Variants in CEP152 observed in about 807,000 individuals in gnomAD.
CEP152 encodes centrosomal protein of 152 kDa.
CEP152 carries 132 observed loss-of-function variants against 188.9 expected under a neutral mutation model. The ratio of observed to expected loss-of-function variants is 0.70; its 90% CI spans 0.61 to 0.81. CEP152 has a LOEUF of 0.81. Among genes scored for constraint, CEP152 ranks in the 30% least tolerant of loss-of-function variants. CEP152 has a pLI of 0.00. For missense variants in CEP152, 1,914 were observed against 1,969.8 expected (o/e 0.97, Z 0.54); for synonymous variants, 649 against 666.6 (o/e 0.97, Z 0.41).
intron 8 of CEP152, among the ~76,000 whole-genome samples, chr15:48,789,493 C>T (rs910727130): frequency 1.3e-5 from 2 of 152,182 alleles, no homozygotes; most frequent in African/African-American, 4.8e-5. Context: ...AATCATAGCC[C>T]TCCAAAATGA....
chr15:48,756,360 T>C lies in CEP152; in HGVS notation c.2888A>G (p.Glu963Gly). 1 of 1,582,856 alleles carries C rather than the reference T, an allele frequency of 6.3e-7. No individual in the cohort carries two copies. Among genetic ancestry groups the C allele is most frequent in the Non-Finnish European group, 8.6e-7 (1 of 1,167,788 alleles). Reference protein sequence around the residue: ...LAKARSEWNKEKQEEIHRIQE... With the variant: ...LAKARSEWNKGKQEEIHRIQE... ...GATTCTGTGGATTTCTTCTTGCTTT[T>C]CTTTGTTCCATTCACTCCGAGCCTT... The change falls in exon 20 of 27, where the codon GAA becomes GGA. Residue 963 changes from glutamate (E) to glycine (G), a missense_variant. Transcript: ENST00000380950.
chr15:48,777,601 T>C (rs545759842), intron 12 of CEP152, among the ~76,000 whole-genome samples: 1 of 152,058 alleles, frequency 6.6e-6, no homozygotes, highest in Non-Finnish European at 1.5e-5. Context: ...AATTTGTATA[T>C]GTAATATATA....
chr15:48,778,287 A>C (rs1306932402), intron 12 of CEP152, among the ~76,000 whole-genome samples: 1 of 152,222 alleles, frequency 6.6e-6, no homozygotes, highest in Non-Finnish European at 1.5e-5. Flanking sequence ...AGCCCAAGTC[A>C]ACAAAGAACT....
At position 48,756,152 on chromosome 15, in the gene CEP152, G is replaced by C; in HGVS notation, c.3096C>G (p.Ala1032=). Residue 1032 remains alanine (A), a synonymous_variant, in exon 20 of 27, where the codon GCC becomes GCG. Coordinates refer to ENST00000380950, the MANE Select transcript of CEP152 (RefSeq NM_001194998.2). ...QSRREWTMQE[A]KRIQLEIYQY... ...GATAGATTTCCAGTTGGATCCGCTTGGCTTCCTGCATAGTCCATTCTCTAC... is the reference window on the plus strand; with the variant it reads ...GATAGATTTCCAGTTGGATCCGCTTCGCTTCCTGCATAGTCCATTCTCTAC... 6.2e-7 allele frequency: 1 copy of C among 1,614,070 alleles called. No individual in the cohort carries two copies. The highest frequency in any genetic ancestry group is 8.5e-7 in the Non-Finnish European group (1 of 1,179,988).
At chr15:48,803,887 C>T (rs913603193) in intron 2 of CEP152, among the ~76,000 whole-genome samples, 2 of 152,196 alleles carry the variant, frequency 1.3e-5, no homozygotes, top group African/African-American at 4.8e-5. Context: ...AGTGGCTAAA[C>T]CCCAGCCAAC....
chr15:48,766,701 G>A (rs1229644273), intron 17 of CEP152, among the ~76,000 whole-genome samples: 1 of 152,014 alleles, frequency 6.6e-6, no homozygotes, highest in African/African-American at 2.4e-5. Context: ...GCTCCGTGCA[G>A]CGCTCACAGG....
chr15:48,747,923 CT>C (rs888659722), intron 22 of CEP152, among the ~76,000 whole-genome samples: 32 of 152,142 alleles, frequency 2.1e-4, no homozygotes, highest in African/African-American at 7.5e-4. Flanking sequence ...CCTTTTCCCT[CT>C]ATCTCAAACG....
intron 17 of CEP152, among the ~76,000 whole-genome samples, chr15:48,762,897 A>AT (rs1474120230): frequency 6.6e-6 from 1 of 152,156 alleles, no homozygotes; most frequent in Non-Finnish European, 1.5e-5. Flanking sequence ...CACATGAAAG[A>AT]TTTAAGTATG....
At position 48,807,578 on chromosome 15, in the gene CEP152, A is replaced by G. The variant is rs940021541; in HGVS notation, c.-7-1922T>C. 2.6e-5 allele frequency among the ~76,000 whole-genome samples: 4 copies of G among 151,104 alleles called. No individual in the cohort carries two copies. The East Asian group carries it at 5.9e-4, about 22-fold the overall frequency. On this transcript the variant is annotated intron_variant, in intron 1 of 26. Transcript: ENST00000380950. ...CTCCGTCTCAAAAAAAAAAAAAAAAAAGAGATGAAATTAAGCTGGACCTTA... is the reference window on the plus strand; with the variant it reads ...CTCCGTCTCAAAAAAAAAAAAAAAAGAGAGATGAAATTAAGCTGGACCTTA...
intron 20 of CEP152, among the ~76,000 whole-genome samples, chr15:48,753,502 A>G (rs1894035615): frequency 6.6e-6 from 1 of 152,206 alleles, no homozygotes; most frequent in South Asian, 2.1e-4. Context: ...GACTGTCAGA[A>G]AACCTACTTA....
In CEP152 at chr15:48,797,462, C is replaced by T. The variant is rs1365450686; in HGVS notation, c.379G>A (p.Glu127Lys). The change falls in exon 5 of 27, where the codon GAA becomes AAA. Residue 127 changes from glutamate to lysine, a missense_variant. Glu to Lys is a moderately conservative substitution (Grantham distance 56). Transcript: ENST00000380950. ...GGAGGACTATAACCACTTCCACCTT[C>T]ATCTCCACCTTCTTCAGGATGGTAC... ...PVYHPEEGGD[E>K]GGSGYSPPSK... 3 of 1,614,040 alleles carry T rather than the reference C, an allele frequency of 1.9e-6. No homozygotes were observed. Among genetic ancestry groups the T allele is most frequent in the East Asian group, 4.5e-5 (2 of 44,886 alleles).
At chr15:48,776,008 G>A (rs1895871668) in intron 12 of CEP152, among the ~76,000 whole-genome samples, 1 of 151,606 alleles carries the variant, frequency 6.6e-6, no homozygotes, top group African/African-American at 2.4e-5. Context: ...TAGTGCTTAG[G>A]TGTGAATAAC....
chr15:48,803,160 T>C (rs1251321094), intron 2 of CEP152, among the ~76,000 whole-genome samples: 1 of 152,206 alleles, frequency 6.6e-6, no homozygotes, highest in Non-Finnish European at 1.5e-5. Flanking sequence ...GAAAGCAATA[T>C]GCATTAGCCC....
At chr15:48,768,356 T>G (rs1255262993) in intron 14 of CEP152, 28 bp from the exon 15 acceptor site, 1 of 1,240,758 alleles carries the variant, frequency 8.1e-7, no homozygotes, top group South Asian at 1.2e-5. Flanking sequence ...AACTTAGTAC[T>G]TACAGAAAAT....
At chr15:48,734,427 GTACCCTCATAAATATCTGTTTAA>G (rs1375253317), downstream of CEP152, among the ~76,000 whole-genome samples, 1 of 150,642 alleles carries the variant, frequency 6.6e-6, no homozygotes. Flanking sequence ...AACTAAAATG[GTACCCTCATAAATATCTGTTTAA>G]TGCAGAAGAA....
chr15:48,798,193 C>T (rs1042740967), intron 2 of CEP152, 142 bp from the exon 3 acceptor site: 1 of 682,752 alleles, frequency 1.5e-6, no homozygotes, highest in Admixed American at 2.1e-5. Context: ...TTAAGTTCCA[C>T]ACAAATTATA....
intron 15 of CEP152, among the ~76,000 whole-genome samples, chr15:48,767,831 C>G (rs949021003): frequency 9.2e-5 from 14 of 152,142 alleles, no homozygotes; most frequent in Non-Finnish European, 1.5e-4. Flanking sequence ...TACTAGCAGT[C>G]CCCAACTCAC....
chr15:48,756,122 A>T lies in CEP152; in HGVS notation c.3126T>A (p.Tyr1042Ter), dbSNP rs1341890638. The T allele has an allele frequency of 6.2e-7, 1 of 1,614,140 alleles. No homozygotes were observed. The highest frequency in any genetic ancestry group is 8.5e-7 in the Non-Finnish European group (1 of 1,179,984). ...CAAGTACAGTCAGGATGTCTTCCTC[A>T]TACTGATAGATTTCCAGTTGGATCC... ...AKRIQLEIYQ[Y>*]EEDILTVLGV... Residue 1042 changes from tyrosine to a stop codon, truncating the protein, a stop_gained, in exon 20 of 27, where the codon TAT (tyrosine) becomes TAA (stop). Coordinates refer to ENST00000380950, the MANE Select transcript of CEP152 (RefSeq NM_001194998.2). LOFTEE classifies it high-confidence loss of function.
intron 17 of CEP152, among the ~76,000 whole-genome samples, chr15:48,765,137 C>T (rs1894966380): frequency 6.6e-6 from 1 of 152,088 alleles, no homozygotes; most frequent in South Asian, 2.1e-4. Context: ...CTAATGAATT[C>T]CCAGAGAGGG....
Sources: gnomAD v4.1 joint callset for allele counts (sites outside exome capture counted in the v4.1 genomes callset) on GRCh38, gnomAD v4.1.1 for gene constraint, MANE v1.5 for transcripts, NCBI Gene and HGNC (gene_info 2026-07-23, HGNC 2026-07-21) for gene names.